MYO16: variants seen among roughly 807,000 people sequenced by gnomAD.
MYO16 encodes myosin XVI.
In MYO16, 94 loss-of-function variants were observed where a neutral mutation model predicts 205.3. The ratio of observed to expected loss-of-function variants is 0.46; its 90% confidence interval spans 0.39 to 0.54. The LOEUF (loss-of-function observed/expected upper bound fraction) is 0.54, where lower values mean the gene tolerates loss of function less well. MYO16 is among the 20% of genes least tolerant of loss of function. The pLI, the probability that MYO16 is intolerant of heterozygous loss-of-function variation, is 0.00. For synonymous variants in MYO16, 988 were observed against 954.0 expected (o/e 1.04, Z -0.66); for missense variants, 2,315 against 2,387.5 (o/e 0.97, Z 0.63).
chr13:108,680,825 C>T (rs1445775288), intron 2 of MYO16, among the ~76,000 whole-genome samples: 2 of 152,088 alleles, frequency 1.3e-5, no homozygotes, highest in Non-Finnish European at 2.9e-5. Flanking sequence ...TTATTAGGGT[C>T]CCAGATTTCA....
At chr13:108,839,519 A>C (rs979157587) in intron 9 of MYO16, among the ~76,000 whole-genome samples, 9 of 152,190 alleles carry the variant, frequency 5.9e-5, no homozygotes, top group Admixed American at 5.2e-4. Flanking sequence ...ACTGCAAGGC[A>C]TATGTAGATA....
At chr13:108,903,581 A>T (rs1258750737) in intron 15 of MYO16, among the ~76,000 whole-genome samples, 2 of 152,166 alleles carry the variant, frequency 1.3e-5, no homozygotes, top group African/African-American at 4.8e-5. Context: ...CTATTGTATG[A>T]ATTTTTACTT....
chr13:108,904,362 T>G (rs1300305475), intron 15 of MYO16, among the ~76,000 whole-genome samples: 2 of 152,220 alleles, frequency 1.3e-5, no homozygotes, highest in African/African-American at 4.8e-5. Flanking sequence ...TATAAAAAGT[T>G]ACTGTATAAG....
At chr13:108,886,917 A>T (rs1879926599) in intron 13 of MYO16, among the ~76,000 whole-genome samples, 1 of 152,218 alleles carries the variant, frequency 6.6e-6, no homozygotes, top group South Asian at 2.1e-4. Context: ...TTCTTCTTTC[A>T]AAATTGTGTG....
chr13:109,120,379 C>T lies in MYO16; in HGVS notation c.3448C>T (p.Arg1150Ter), dbSNP rs1353862073. 4 of 1,601,136 alleles carry T rather than the reference C, an allele frequency of 2.5e-6. No homozygotes were observed. Among genetic ancestry groups the T allele is most frequent in the South Asian group, 1.1e-5 (1 of 87,936 alleles). The stretch of plus-strand genomic sequence containing the variant: ...GCTGTTTGCATTTTAGATGGGAGTC[C>T]GAAAAGTGTTTCTAAAATACTGGCA... ...CKLQGWQMGV[R>*]KVFLKYWHAD... The change falls in exon 29 of 35, where the codon CGA becomes TGA. Residue 1150 changes from arginine (R) to a stop codon, truncating the protein, a stop_gained. Coordinates refer to ENST00000457511, the MANE Select transcript of MYO16 (RefSeq NM_001198950.3). LOFTEE classifies it high-confidence loss of function.
At chr13:108,727,250 G>A (rs1272147572) in intron 3 of MYO16, among the ~76,000 whole-genome samples, 190 bp from the exon 4 acceptor site, 1 of 151,900 alleles carries the variant, frequency 6.6e-6, no homozygotes, top group Admixed American at 6.6e-5. Context: ...CCTTGACCCA[G>A]TTCCCCAGAA....
intron 7 of MYO16, among the ~76,000 whole-genome samples, chr13:108,810,310 T>C (rs1337603855): frequency 6.6e-6 from 1 of 152,190 alleles, no homozygotes; most frequent in African/African-American, 2.4e-5. Context: ...AGTTCTCCAC[T>C]GTGCTAGCCC....
intron 4 of MYO16, among the ~76,000 whole-genome samples, chr13:108,766,917 A>G (rs1885794800): frequency 6.6e-6 from 1 of 152,212 alleles, no homozygotes; most frequent in Non-Finnish European, 1.5e-5. Flanking sequence ...AAAGCTCTGC[A>G]GTGGTTTTCT....
At chr13:108,797,134 C>G (rs957154282) in intron 6 of MYO16, among the ~76,000 whole-genome samples, 1 of 151,994 alleles carries the variant, frequency 6.6e-6, no homozygotes, top group African/African-American at 2.4e-5. Context: ...CTTAAACTAC[C>G]AGTGTGATGG....
intron 28 of MYO16, among the ~76,000 whole-genome samples, chr13:109,118,300 A>G (rs1049050328): frequency 2.0e-5 from 3 of 152,128 alleles, no homozygotes; most frequent in African/African-American, 7.2e-5. Flanking sequence ...GGCCTCCTTC[A>G]TATCCCCAGA....
intron 7 of MYO16, among the ~76,000 whole-genome samples, chr13:108,809,212 A>G (rs1385703323): frequency 1.3e-5 from 2 of 152,334 alleles, no homozygotes; most frequent in Middle Eastern, 3.4e-3. Context: ...GTTAAGAAAC[A>G]CTTCCCAACT....
chr13:108,939,826 T>C (rs1453849812), intron 16 of MYO16, among the ~76,000 whole-genome samples: 1 of 152,194 alleles, frequency 6.6e-6, no homozygotes, highest in Non-Finnish European at 1.5e-5. Context: ...AGTGTTGTCA[T>C]ACTATCATAC....
intron 4 of MYO16, among the ~76,000 whole-genome samples, chr13:108,760,473 GT>G (rs34136071): frequency 0.42 from 62,372 of 148,332 alleles, 13,954 homozygotes; most frequent in East Asian, 0.86. Flanking sequence ...ATAACTTAGG[GT>G]TTTTTTTTTT....
chr13:108,892,845 T>C (rs560766638), intron 14 of MYO16, among the ~76,000 whole-genome samples: 1 of 152,358 alleles, frequency 6.6e-6, no homozygotes, highest in African/African-American at 2.4e-5. Context: ...GTAAATTGGC[T>C]TTAAATTTTA....
intron 3 of MYO16, among the ~76,000 whole-genome samples, chr13:108,715,949 G>T (rs1883927895): frequency 6.6e-6 from 1 of 151,832 alleles, no homozygotes; most frequent in Admixed American, 6.7e-5. Flanking sequence ...CTCAAAAACT[G>T]TGACTGTCTT....
chr13:108,936,567 A>G (rs1479675665), intron 16 of MYO16, among the ~76,000 whole-genome samples: 2 of 152,082 alleles, frequency 1.3e-5, no homozygotes, highest in Non-Finnish European at 2.9e-5. Flanking sequence ...AGTGGTTATA[A>G]TGCCTTCTTT....
At chr13:109,193,208 A>G (rs1039756095) in intron 34 of MYO16, among the ~76,000 whole-genome samples, 2 of 152,230 alleles carry the variant, frequency 1.3e-5, no homozygotes, top group African/African-American at 4.8e-5. Context: ...TTCTTTAAAA[A>G]TAAATGAACT....
the MYO16 span, among the ~76,000 whole-genome samples, chr13:108,579,615 A>G: frequency 6.6e-6 from 1 of 151,768 alleles, no homozygotes; most frequent in Non-Finnish European, 1.5e-5. Context: ...TAATTTTTGT[A>G]TTTTCAGTAG....
intron 16 of MYO16, among the ~76,000 whole-genome samples, chr13:108,956,903 T>A (rs1367061936): frequency 1.3e-5 from 2 of 152,172 alleles, no homozygotes; most frequent in African/African-American, 4.8e-5. Context: ...CTGCTTGGTA[T>A]TGCCTGTATT....
Sources: allele counts gnomAD v4.1 joint callset (sites outside exome capture counted in the v4.1 genomes callset), GRCh38; gene constraint gnomAD v4.1.1; transcripts MANE v1.5; gene names NCBI Gene and HGNC (gene_info 2026-07-23, HGNC 2026-07-21).